Variants in TSC22D1 observed in about 807,000 individuals in gnomAD.
TSC22D1 encodes TSC22 domain family member 1.
TSC22D1 carries 9 observed loss-of-function variants against 74.2 expected under a neutral mutation model. That is an observed-to-expected ratio of 0.12 (90% CI 0.07 to 0.21). The LOEUF is 0.21. Among genes scored for constraint, TSC22D1 ranks in the 10% least tolerant of loss-of-function variants. TSC22D1 has a pLI of 1.00. For missense variants in TSC22D1, 1,427 were observed against 1,304.7 expected (o/e 1.09, Z -1.44); for synonymous variants, 586 against 492.5 (o/e 1.19, Z -2.51).
At chr13:44,449,141 T>C (rs1875922160) in intron 1 of TSC22D1, among the ~76,000 whole-genome samples, 1 of 152,106 alleles carries the variant, frequency 6.6e-6, no homozygotes, top group Admixed American at 6.5e-5. Flanking sequence ...GAGCTCTTGG[T>C]GAGAACTGGC....
intron 1 of TSC22D1, chr13:44,538,694 T>C (rs981141452): frequency 3.2e-5 from 32 of 985,306 alleles, no homozygotes; most frequent in Non-Finnish European, 3.9e-5. Flanking sequence ...ACCAGAGTAA[T>C]TCTTAAAAGT....
At chr13:44,562,312 A>AC (rs146369659) in intron 1 of TSC22D1, among the ~76,000 whole-genome samples, 2,561 of 152,298 alleles carry the variant, frequency 0.017, 54 homozygotes, top group African/African-American at 0.054. Context: ...AACTGCTGGG[A>AC]CTACAGGCAT....
intron 1 of TSC22D1, among the ~76,000 whole-genome samples, chr13:44,520,652 T>C (rs1349456815): frequency 6.6e-6 from 1 of 152,200 alleles, no homozygotes; most frequent in Non-Finnish European, 1.5e-5. Context: ...AGATCTCAGA[T>C]AGCAGAGGTG....
chr13:44,461,623 T>A (rs12146917), intron 1 of TSC22D1, among the ~76,000 whole-genome samples: 15,083 of 152,158 alleles, frequency 0.099, 780 homozygotes, highest in Non-Finnish European at 0.11. Context: ...ACAGAGGCAG[T>A]AAGTCAAAGC....
intron 1 of TSC22D1, among the ~76,000 whole-genome samples, chr13:44,514,539 C>T (rs532868401): frequency 6.6e-6 from 1 of 151,988 alleles, no homozygotes; most frequent in East Asian, 1.9e-4. Flanking sequence ...TACAAACTGA[C>T]AGTATACGGA....
rs550454629 is a variant in TSC22D1 at position 44,553,207 on chromosome 13, T to C, written c.2912+19956A>G. 3.9e-5 allele frequency among the ~76,000 whole-genome samples: 6 copies of C among 152,336 alleles called. No individual in the cohort carries two copies. The East Asian group carries it at 9.6e-4, about 24-fold the overall frequency. On this transcript the variant is annotated intron_variant, in intron 1 of 2. Coordinates refer to ENST00000458659, the MANE Select transcript of TSC22D1 (RefSeq NM_183422.4). Reference sequence around the variant, plus strand: ...TTCTCCAGGTCAGTAACAGGTATTATATGATGAAAGAGTTGGATTTCAATA... The same window carrying C: ...TTCTCCAGGTCAGTAACAGGTATTACATGATGAAAGAGTTGGATTTCAATA...
chr13:44,554,630 C>CAAAAAAAAAAAAAAAAAAAAAAAAAAAA (rs59922380), intron 1 of TSC22D1, among the ~76,000 whole-genome samples: 1 of 68,616 alleles, frequency 1.5e-5, no homozygotes. Flanking sequence ...ATACCAGGAA[C>CAAAAAAAAAAAAAAAAAAAAAAAAAAAA]AAAAAAAAAA....
Position 44,488,563 on chromosome 13 carries a change from G to A in TSC22D1, c.2913-52468C>T, listed in dbSNP as rs573845143. On this transcript the variant is annotated intron_variant, in intron 1 of 2. Coordinates refer to ENST00000458659, the MANE Select transcript of TSC22D1 (RefSeq NM_183422.4). ...GTAAAACAAGAAAAAAGAACAGAAC[G>A]AACCAATATTGGAAAAGAAAAAACA... is the stretch of plus-strand genomic sequence containing the variant. Among the ~76,000 whole-genome samples, 25 of 151,938 alleles carry A rather than the reference G, an allele frequency of 1.6e-4. No individual in the cohort carries two copies. In the South Asian group the frequency reaches 2.9e-3, roughly 18 times the overall value.
At chr13:44,495,346 T>C (rs1272766815) in intron 1 of TSC22D1, among the ~76,000 whole-genome samples, 1 of 148,826 alleles carries the variant, frequency 6.7e-6, no homozygotes, top group Non-Finnish European at 1.5e-5. Context: ...GACAAAACTA[T>C]CTTTTAAAAA....
Position 44,483,454 on chromosome 13 carries a change from G to A in TSC22D1, c.2913-47359C>T, listed in dbSNP as rs571259676. On this transcript the variant is annotated intron_variant, in intron 1 of 2. Transcript: ENST00000458659. ...AGGCAGACGGATCATGAGGTCAGGA[G>A]ATCGAGACCATCCTGGCTAACACAG... 5.3e-4 allele frequency among the ~76,000 whole-genome samples: 81 copies of A among 152,262 alleles called. 1 individual carries two copies. The South Asian group carries it at 6.8e-3, about 13-fold the overall frequency.
At chr13:44,465,239 CA>C (rs1248864524) in intron 1 of TSC22D1, among the ~76,000 whole-genome samples, 3 of 152,084 alleles carry the variant, frequency 2.0e-5, no homozygotes. Flanking sequence ...AGCACAGAGA[CA>C]GGAATACAAG....
intron 1 of TSC22D1, among the ~76,000 whole-genome samples, chr13:44,437,698 G>A (rs1336581511): frequency 6.6e-6 from 1 of 152,132 alleles, no homozygotes; most frequent in African/African-American, 2.4e-5. Flanking sequence ...AAGTCCCTAA[G>A]GCACGTTTTT....
At chr13:44,554,905 T>C (rs141680187) in intron 1 of TSC22D1, among the ~76,000 whole-genome samples, 54 of 152,268 alleles carry the variant, frequency 3.5e-4, no homozygotes, top group African/African-American at 1.3e-3. Flanking sequence ...GTGTTAAGCC[T>C]AATTCAGATT....
chr13:44,446,917 ATTT>A (rs1248671435), intron 1 of TSC22D1, among the ~76,000 whole-genome samples: 6 of 152,100 alleles, frequency 3.9e-5, no homozygotes, highest in Non-Finnish European at 8.8e-5. Flanking sequence ...TTTCATTATC[ATTT>A]TTTATTGTAG....
At chr13:44,561,936 AGAGAGC>A (rs1468240561) in intron 1 of TSC22D1, among the ~76,000 whole-genome samples, 1 of 152,184 alleles carries the variant, frequency 6.6e-6, no homozygotes, top group Non-Finnish European at 1.5e-5. Context: ...CCTTAAGGAG[AGAGAGC>A]GAGCTATGCA....
At position 44,455,288 on chromosome 13, in the gene TSC22D1, G is replaced by A. The variant is rs150941154; in HGVS notation, c.2913-19193C>T. On this transcript the variant is annotated intron_variant, in intron 1 of 2. Transcript: ENST00000458659. ...ACTCTTCCAGCAGGGAGAACAGCAAGGGGAAATGCTGTATTCAAGAGACCC... is the reference window on the plus strand; with the variant it reads ...ACTCTTCCAGCAGGGAGAACAGCAAAGGGAAATGCTGTATTCAAGAGACCC... Among the ~76,000 whole-genome samples, 326 of 152,324 alleles carry A rather than the reference G, an allele frequency of 2.1e-3. 2 individuals carry two copies. Among genetic ancestry groups the A allele is most frequent in the Middle Eastern group, 0.017 (5 of 294 alleles).
chr13:44,469,475 T>C (rs1877474491), intron 1 of TSC22D1, among the ~76,000 whole-genome samples: 1 of 152,022 alleles, frequency 6.6e-6, no homozygotes, highest in Admixed American at 6.6e-5. Flanking sequence ...GCAGAATATG[T>C]AGGAGGATGT....
At chr13:44,451,291 G>A (rs956914534) in intron 1 of TSC22D1, 2 of 152,220 alleles carry the variant, frequency 1.3e-5, no homozygotes, top group African/African-American at 2.4e-5. Flanking sequence ...TCTGCCCCTC[G>A]GTTCTTCCTT....
At position 44,433,747 on chromosome 13, in the gene TSC22D1, C is replaced by T. The variant is rs1445286287; in HGVS notation, c.*879G>A. 5 of 500,178 alleles carry T rather than the reference C, an allele frequency of 1.0e-5. No individual in the cohort carries two copies. The highest frequency in any genetic ancestry group is 2.0e-5 in the African/African-American group (1 of 49,336). The allele number at this position is 500,178 out of a possible 1,614,324, so 31.0% of individuals were successfully genotyped here. A position where few individuals can be genotyped will look rare whatever the true frequency, so the allele number is the denominator to read the frequency against. ...AAAGACTTCAGTGAACAAGGATTTA[C>T]TTCAGCGTATTCAGCAGCTAGATTT... On this transcript the variant is annotated 3_prime_UTR_variant, in exon 3 of 3. Transcript: ENST00000458659.
Sources: gnomAD v4.1 joint callset for allele counts (sites outside exome capture counted in the v4.1 genomes callset) on GRCh38, gnomAD v4.1.1 for gene constraint, MANE v1.5 for transcripts, NCBI Gene and HGNC (gene_info 2026-07-23, HGNC 2026-07-21) for gene names.